The following WDHD1 variants were observed in gnomAD, a reference collection of about 807,000 sequenced individuals.
WDHD1 encodes WD repeat and HMG-box DNA binding protein 1, also known as WD repeat and HMG-box DNA-binding protein 1.
A neutral mutation model predicts 135.4 loss-of-function variants in WDHD1; 111 were observed. That is an observed-to-expected ratio of 0.82 (90% CI 0.70 to 0.96). The LOEUF (loss-of-function observed/expected upper bound fraction) is 0.96. Ranked by LOEUF, WDHD1 falls within the 40% of genes least tolerant of loss-of-function variation. WDHD1 has a pLI of 0.00. For synonymous variants in WDHD1, 434 were observed against 439.0 expected (o/e 0.99, Z 0.14); for missense variants, 1,351 against 1,336.3 (o/e 1.01, Z -0.17).
At chr14:55,016,084 T>C (rs1363955996) in intron 2 of WDHD1, among the ~76,000 whole-genome samples, 1 of 152,228 alleles carries the variant, frequency 6.6e-6, no homozygotes, top group Non-Finnish European at 1.5e-5. Context: ...AATGGAAAAT[T>C]ATAGTGAAAT....
intron 21 of WDHD1, among the ~76,000 whole-genome samples, chr14:54,959,231 A>G (rs1183510394): frequency 1.3e-5 from 2 of 151,600 alleles, no homozygotes; most frequent in East Asian, 3.9e-4. Context: ...AAAACAAAAA[A>G]CCCAAACCAA....
intron 21 of WDHD1, among the ~76,000 whole-genome samples, chr14:54,959,041 C>T (rs2041205802): frequency 6.6e-6 from 1 of 152,122 alleles, no homozygotes; most frequent in Non-Finnish European, 1.5e-5. Context: ...CCATCATTCA[C>T]TCAAGTACTC....
chr14:54,954,574 T>G (rs1251146902), intron 24 of WDHD1, among the ~76,000 whole-genome samples: 1 of 152,210 alleles, frequency 6.6e-6, no homozygotes, highest in Non-Finnish European at 1.5e-5. Flanking sequence ...AAAAGACCGG[T>G]AACCATCTTT....
Position 54,987,239 on chromosome 14 carries a change from T to A in WDHD1, c.1675A>T (p.Ile559Phe). 1 of 1,614,016 alleles carries A rather than the reference T, an allele frequency of 6.2e-7. No individual in the cohort carries two copies. The highest frequency in any genetic ancestry group is 8.5e-7 in the Non-Finnish European group (1 of 1,180,012). ...TSALLLRLFT[I>F]GGVQKEVFSL... ...AATACCTCTTTTTGAACCCCTCCAA[T>A]AGTAAACAATCGAAGAAGCAGGGCA... is the stretch of plus-strand genomic sequence containing the variant. Residue 559 changes from isoleucine to phenylalanine, a missense_variant, in exon 14 of 26, where the codon ATT becomes TTT. By Grantham distance (21) the Ile-to-Phe change is conservative. This residue lies in a region of WDHD1 where 1,330 missense variants were observed against 1,296.1 expected (regional missense o/e 1.03). Coordinates refer to ENST00000360586, the MANE Select transcript of WDHD1 (RefSeq NM_007086.4).
At chr14:54,949,233 CA>C (rs1327872540) in intron 24 of WDHD1, among the ~76,000 whole-genome samples, 1 of 152,108 alleles carries the variant, frequency 6.6e-6, no homozygotes, top group Non-Finnish European at 1.5e-5. Context: ...GAACGCATCG[CA>C]AAGGAGCTAA....
At chr14:54,992,479 G>C (rs891300278) in intron 11 of WDHD1, among the ~76,000 whole-genome samples, 2 of 152,158 alleles carry the variant, frequency 1.3e-5, no homozygotes, top group Non-Finnish European at 2.9e-5. Flanking sequence ...GACAGAGCAA[G>C]ACTCCCTCTC....
chr14:55,027,086 TC>T lies in WDHD1; in HGVS notation c.-76del. 1 of 389,042 alleles carries T rather than the reference TC, an allele frequency of 2.6e-6. No homozygotes were observed. The highest frequency in any genetic ancestry group is 4.9e-6 in the Non-Finnish European group (1 of 205,564). The allele number at this position is 389,042 out of a possible 1,614,324, so 24.1% of individuals were successfully genotyped here. A position where few individuals can be genotyped will look rare whatever the true frequency, so the allele number is the denominator to read the frequency against. On this transcript the variant is annotated 5_prime_UTR_variant, in exon 1 of 26. Coordinates refer to ENST00000360586, the MANE Select transcript of WDHD1 (RefSeq NM_007086.4). The stretch of plus-strand genomic sequence containing the variant: ...CAAGAGCTGCTTCCCGCGCTTCGGC[TC>T]GCTCACCACACTGCGCCTGCGCCGA...
At chr14:55,008,396 A>G (rs1357543026) in intron 5 of WDHD1, 30 bp from the exon 6 acceptor site, 2 of 1,605,810 alleles carry the variant, frequency 1.2e-6, no homozygotes, top group Non-Finnish European at 1.7e-6. Flanking sequence ...ATTTCTCTAT[A>G]GTCATAGCCA....
intron 7 of WDHD1, 28 bp downstream of exon 7, chr14:55,007,252 A>G: frequency 6.6e-7 from 1 of 1,520,616 alleles, no homozygotes; most frequent in East Asian, 2.3e-5. Flanking sequence ...AAAAAAAAGA[A>G]AAGAAAAGAA....
Position 54,962,888 on chromosome 14 carries a change from T to C in WDHD1, c.2532-35A>G, listed in dbSNP as rs200882768. The C allele has an allele frequency of 7.9e-4, 1,273 of 1,611,290 alleles. 11 individuals carry two copies. In the Middle Eastern group the frequency reaches 0.016, roughly 21 times the overall value. ...AATAATATTATTCAATAAAGAGCTATGCAAAGACCAACTTAACATTCAAGA... is the reference window on the plus strand; with the variant it reads ...AATAATATTATTCAATAAAGAGCTACGCAAAGACCAACTTAACATTCAAGA... On this transcript the variant is annotated intron_variant, in intron 19 of 25. Transcript: ENST00000360586.
At position 54,995,789 on chromosome 14, in the gene WDHD1, A is replaced by T. The variant is rs2041868750; in HGVS notation, c.967T>A (p.Tyr323Asn). The T allele has an allele frequency of 2.5e-6, 4 of 1,606,324 alleles. No homozygotes were observed. In the African/African-American group the frequency reaches 5.4e-5, roughly 22 times the overall value. Residue 323 changes from tyrosine (Y) to asparagine (N), a missense_variant, in exon 11 of 26, where the codon TAT becomes AAT. By Grantham distance (143) the Tyr-to-Asn change is moderately radical (BLOSUM62 -2). This residue lies in a region of WDHD1 where 1,330 missense variants were observed against 1,296.1 expected (regional missense o/e 1.03). Transcript: ENST00000360586. ...TCATCTCCATCAAAAAGATCATTAT[A>T]ATCCTTTTCCACTCTGCTAGATACC... ...SKVSSRVEKDYNDLFDGDDMS... is the reference protein window; with the variant it reads ...SKVSSRVEKDNNDLFDGDDMS...
chr14:54,986,155 G>C (rs2041691021), intron 14 of WDHD1, among the ~76,000 whole-genome samples: 1 of 152,068 alleles, frequency 6.6e-6, no homozygotes, highest in African/African-American at 2.4e-5. Flanking sequence ...TTCTCAAACT[G>C]CATATTTTGA....
chr14:55,020,643 C>T (rs1019854715), intron 2 of WDHD1, among the ~76,000 whole-genome samples: 1 of 152,098 alleles, frequency 6.6e-6, no homozygotes, highest in Non-Finnish European at 1.5e-5. Context: ...GCCAGAACCT[C>T]AACCCTGAAC....
intron 6 of WDHD1, 127 bp from the exon 7 acceptor site, chr14:55,007,502 TTAATTA>T (rs1209854871): frequency 1.6e-6 from 1 of 627,298 alleles, no homozygotes; most frequent in Admixed American, 3.3e-5. Context: ...TTAATGCACC[TTAATTA>T]TAATAATACC....
chr14:54,988,484 G>A (rs1272764924), intron 13 of WDHD1, among the ~76,000 whole-genome samples: 1 of 152,022 alleles, frequency 6.6e-6, no homozygotes, highest in African/African-American at 2.4e-5. Flanking sequence ...TGTGGTAGGG[G>A]TTATCTGTGT....
chr14:54,946,169 C>T (rs1417849361), intron 24 of WDHD1, among the ~76,000 whole-genome samples: 1 of 152,208 alleles, frequency 6.6e-6, no homozygotes, highest in African/African-American at 2.4e-5. Context: ...CTGCAATCAT[C>T]TACTTCTAAA....
intron 7 of WDHD1, among the ~76,000 whole-genome samples, chr14:55,004,130 A>G (rs1294536953): frequency 1.3e-5 from 2 of 152,208 alleles, no homozygotes; most frequent in Admixed American, 1.3e-4. Context: ...ATAATATAGT[A>G]AATACCTATA....
intron 24 of WDHD1, among the ~76,000 whole-genome samples, chr14:54,948,413 C>A (rs933040939): frequency 3.3e-5 from 5 of 152,222 alleles, no homozygotes; most frequent in African/African-American, 9.6e-5. Flanking sequence ...TATCCCACTC[C>A]TGGCTCAGAG....
intron 21 of WDHD1, among the ~76,000 whole-genome samples, chr14:54,960,064 C>A (rs2041226531): frequency 6.6e-6 from 1 of 152,160 alleles, no homozygotes; most frequent in East Asian, 1.9e-4. Context: ...TCTTCATCAT[C>A]TTCAGAAATA....
Sources: gnomAD v4.1 joint callset for allele counts (sites outside exome capture counted in the v4.1 genomes callset) on GRCh38, gnomAD v4.1.1 for gene constraint, gnomAD v4.1.1 regional missense constraint, MANE v1.5 for transcripts, NCBI Gene and HGNC (gene_info 2026-07-23, HGNC 2026-07-21) for gene names.